The following NPSR1 variants were observed in gnomAD, a reference collection of about 807,000 sequenced individuals.
NPSR1 encodes the protein neuropeptide S receptor 1, also known as neuropeptide S receptor.
NPSR1 carries 48 observed loss-of-function variants against 46.9 expected under a neutral mutation model. That is an observed-to-expected ratio of 1.02 (90% CI 0.81 to 1.30). NPSR1 has a LOEUF of 1.30. Among genes scored for constraint, NPSR1 ranks in the 50% most tolerant of loss-of-function variants. NPSR1 has a pLI of 0.00. For synonymous variants in NPSR1, 176 were observed against 168.1 expected, an observed-to-expected ratio of 1.05 and a Z score of -0.36; for missense variants, 450 against 449.5, an observed-to-expected ratio of 1.00 and a Z score of -0.01.
At chr7:34,689,989 T>C (rs1043630848) in intron 2 of NPSR1, among the ~76,000 whole-genome samples, 1 of 150,076 alleles carries the variant, frequency 6.7e-6, no homozygotes, top group East Asian at 2.0e-4. Flanking sequence ...AGAAATCTGA[T>C]GACATAACTG....
chr7:34,771,529 A>G (rs181440684), intron 2 of NPSR1, among the ~76,000 whole-genome samples: 11 of 152,318 alleles, frequency 7.2e-5, no homozygotes, highest in East Asian at 3.9e-4. Flanking sequence ...GAATAGCCCT[A>G]TAAGTAGAAG....
chr7:34,854,479 A>G (rs137939670), downstream of NPSR1, among the ~76,000 whole-genome samples: 6 of 152,358 alleles, frequency 3.9e-5, no homozygotes, highest in Non-Finnish European at 8.8e-5. Flanking sequence ...AAGGTAGTCC[A>G]TGGAAACTGT....
At chr7:34,725,996 A>G (rs1239428760) in intron 2 of NPSR1, among the ~76,000 whole-genome samples, 1 of 152,162 alleles carries the variant, frequency 6.6e-6, no homozygotes, top group African/African-American at 2.4e-5. Flanking sequence ...CTCCTCCTTC[A>G]CCTTCCACTA....
chr7:34,750,303 G>A, intron 2 of NPSR1: 2 of 698,724 alleles, frequency 2.9e-6, no homozygotes, highest in Admixed American at 3.6e-5. Flanking sequence ...ATTTTCTTGG[G>A]TGTCCTGTCT....
rs1433176996 is a variant in NPSR1, at chr7:34,779,245, AG to A, written c.384+681del. ...ATATACATACTTGTTAATATGCATT[AG>A]ATGTTTATAATATAGATTTAGACAC... On this transcript the variant is annotated intron_variant, in intron 3 of 8. Coordinates refer to ENST00000360581, the MANE Select transcript of NPSR1 (RefSeq NM_207172.2). Among the ~76,000 whole-genome samples the A allele has an allele frequency of 2.0e-5, 3 of 152,084 alleles. No homozygotes were observed. The East Asian group carries it at 5.8e-4, about 29-fold the overall frequency.
At chr7:34,833,598 A>C (rs1318181360) in intron 5 of NPSR1, among the ~76,000 whole-genome samples, 1 of 152,228 alleles carries the variant, frequency 6.6e-6, no homozygotes, top group Non-Finnish European at 1.5e-5. Flanking sequence ...TTACTGCATT[A>C]CAAATCACCA....
chr7:34,833,287 A>G (rs1790202359), intron 5 of NPSR1, among the ~76,000 whole-genome samples: 1 of 152,228 alleles, frequency 6.6e-6, no homozygotes, highest in African/African-American at 2.4e-5. Flanking sequence ...AAGTAATATT[A>G]AAGAAGAGTA....
chr7:34,827,692 C>A, intron 5 of NPSR1, 90 bp downstream of exon 5: 2 of 876,684 alleles, frequency 2.3e-6, no homozygotes, highest in Non-Finnish European at 3.5e-6. Context: ...CCCCAACAGA[C>A]CCATTTTTCC....
At chr7:34,785,478 A>G (rs1405219526) in intron 3 of NPSR1, among the ~76,000 whole-genome samples, 3 of 151,690 alleles carry the variant, frequency 2.0e-5, no homozygotes, top group African/African-American at 4.8e-5. Context: ...ACATGTATAC[A>G]TATGTAACTA....
At chr7:34,745,079 G>C (rs1453005315) in intron 2 of NPSR1, among the ~76,000 whole-genome samples, 1 of 152,140 alleles carries the variant, frequency 6.6e-6, no homozygotes, top group Non-Finnish European at 1.5e-5. Flanking sequence ...TCCATGGAAG[G>C]CTATCCATGG....
At chr7:34,749,625 G>T (rs7806620) in intron 2 of NPSR1, among the ~76,000 whole-genome samples, 1,563 of 152,280 alleles carry the variant, frequency 0.01, 27 homozygotes, top group African/African-American at 0.036. Flanking sequence ...CTTCCTAAGA[G>T]GCAAGCCCTG....
intron 6 of NPSR1, among the ~76,000 whole-genome samples, chr7:34,839,186 A>C (rs2128761821): frequency 6.6e-6 from 1 of 152,372 alleles, no homozygotes; most frequent in South Asian, 2.1e-4. Context: ...GAAAAACATA[A>C]AGATACAAAT....
At chr7:34,776,182 G>A (rs558689767) in intron 2 of NPSR1, among the ~76,000 whole-genome samples, 27 of 152,192 alleles carry the variant, frequency 1.8e-4, no homozygotes, top group African/African-American at 5.8e-4. Context: ...TGACCCATGT[G>A]CTGTGGAAAA....
At chr7:34,669,896 C>T (rs187349386) in intron 1 of NPSR1, among the ~76,000 whole-genome samples, 8 of 152,074 alleles carry the variant, frequency 5.3e-5, no homozygotes, top group Non-Finnish European at 1.0e-4. Flanking sequence ...CGTGAAAAAA[C>T]GAGAGTGTTT....
Position 34,827,395 on chromosome 7 carries a change from G to T in NPSR1, c.479-6G>T. On this transcript the variant is annotated splice_polypyrimidine_tract_variant and splice_region_variant and intron_variant, in intron 4 of 8. Coordinates refer to ENST00000360581, the MANE Select transcript of NPSR1 (RefSeq NM_207172.2). The stretch of plus-strand genomic sequence containing the variant: ...ACCCAGACATTCCTCTCTTTTCTTT[G>T]GGCAGAAAAGCAAGCCAGGGTCCTC... 2 of 1,613,484 alleles carry T rather than the reference G, an allele frequency of 1.2e-6. No homozygotes were observed. The highest frequency in any genetic ancestry group is 1.1e-5 in the South Asian group (1 of 91,052).
At chr7:34,878,331 ACTT>A (rs1016320428) in exon 9 of NPSR1, 12 of 482,264 alleles carry the variant, frequency 2.5e-5, no homozygotes, top group Admixed American at 1.1e-4. Flanking sequence ...AAGAAGGCAG[ACTT>A]CTTCTTTTTC....
At chr7:34,708,318 A>G (rs913425709) in intron 2 of NPSR1, among the ~76,000 whole-genome samples, 36 of 152,326 alleles carry the variant, frequency 2.4e-4, no homozygotes, top group African/African-American at 8.2e-4. Context: ...CCTCACTGAC[A>G]TAACTAAGTT....
downstream of NPSR1, among the ~76,000 whole-genome samples, chr7:34,850,515 C>T (rs1434660282): frequency 6.6e-6 from 1 of 151,752 alleles, no homozygotes; most frequent in Non-Finnish European, 1.5e-5. Flanking sequence ...ATTCTCCTGC[C>T]TCAGCCTCCC....
At chr7:34,823,204 A>G (rs1457411953) in intron 4 of NPSR1, among the ~76,000 whole-genome samples, 1 of 152,054 alleles carries the variant, frequency 6.6e-6, no homozygotes, top group Non-Finnish European at 1.5e-5. Flanking sequence ...CAGCCTGGCC[A>G]ACATAGTGAA....
Sources: gnomAD v4.1 joint callset for allele counts (sites outside exome capture counted in the v4.1 genomes callset) on GRCh38, gnomAD v4.1.1 for gene constraint, MANE v1.5 for transcripts, NCBI Gene and HGNC (gene_info 2026-07-23, HGNC 2026-07-21) for gene names.